Variants in AKAP13 observed in about 807,000 individuals in gnomAD.
The protein encoded by AKAP13 is A-kinase anchor protein 13.
AKAP13 carries 80 observed loss-of-function variants against 264.5 expected under a neutral mutation model. That is an observed-to-expected ratio of 0.30 (90% CI 0.25 to 0.36). The LOEUF (loss-of-function observed/expected upper bound fraction) is 0.36. AKAP13 is among the 10% of genes least tolerant of loss of function. The probability of loss-of-function intolerance (pLI) is 1.00; values close to 1 mark genes in which losing one functional copy is unlikely to be tolerated. For missense variants in AKAP13, 3,712 were observed against 3,435.2 expected (o/e 1.08, Z -2.01); for synonymous variants, 1,380 against 1,250.2 (o/e 1.10, Z -2.19).
intron 8 of AKAP13, among the ~76,000 whole-genome samples, chr15:85,617,539 C>T (rs1317649169): frequency 2.6e-5 from 4 of 152,190 alleles, no homozygotes; most frequent in African/African-American, 7.2e-5. Context: ...CGCGCCCAGC[C>T]GGTAGGAGGG....
intron 26 of AKAP13, among the ~76,000 whole-genome samples, chr15:85,725,833 C>T (rs2087584969): frequency 6.6e-6 from 1 of 152,302 alleles, no homozygotes; most frequent in Non-Finnish European, 1.5e-5. Context: ...GAGGAAAGAG[C>T]CCTATATTCA....
chr15:85,481,393 A>G (rs1426864457), intron 1 of AKAP13, among the ~76,000 whole-genome samples: 4 of 152,210 alleles, frequency 2.6e-5, no homozygotes, highest in African/African-American at 4.8e-5. Flanking sequence ...TCTCTAATCA[A>G]CAACACCAGA....
rs2089224519 is a variant in AKAP13 at position 85,743,695 on chromosome 15, C to T, written c.8262C>T (p.Asn2754=). The T allele has an allele frequency of 6.2e-7, 1 of 1,613,998 alleles. No individual in the cohort carries two copies. ...TACTGAGTTCAACCAGCCAGACAAA[C>T]AAAGGACCAGAAGGGCAGAGCCAGG... ...FHILSSTSQT[N]KGPEGQSQAP... The change falls in exon 36 of 37, where the codon AAC becomes AAT. Residue 2754 remains asparagine, a synonymous_variant. Transcript: ENST00000394518.
intron 2 of AKAP13, among the ~76,000 whole-genome samples, chr15:85,517,179 A>ATGACATCAG (rs934220964): frequency 5.3e-5 from 8 of 152,172 alleles, no homozygotes; most frequent in Non-Finnish European, 1.2e-4. Context: ...ACTATCTAAG[A>ATGACATCAG]TGACATCAGT....
chr15:85,662,566 T>G (rs2083405430), intron 12 of AKAP13: 1 of 1,176,720 alleles, frequency 8.5e-7, no homozygotes, highest in Admixed American at 1.7e-5. Context: ...GGCAGCCTGC[T>G]TTGTCTGTGA....
chr15:85,747,605 T>A lies in AKAP13; in HGVS notation c.*2928T>A, dbSNP rs1222756999. On this transcript the variant is annotated 3_prime_UTR_variant, in exon 37 of 37. Transcript: ENST00000394518. Reference sequence around the variant, plus strand: ...TCAATTCCAGTCATCTCAGTCGTTGTCGTTAGGTGACATGTGCACTTTAAA... The same window carrying A: ...TCAATTCCAGTCATCTCAGTCGTTGACGTTAGGTGACATGTGCACTTTAAA... 1 of 152,636 alleles carries A rather than the reference T, an allele frequency of 6.6e-6. No individual in the cohort carries two copies. The highest frequency in any genetic ancestry group is 6.5e-5 in the Admixed American group (1 of 15,280). 9.5% of individuals were successfully genotyped at this position (152,636 alleles called of 1,614,324 possible).
At chr15:85,409,492 T>A (rs189859278) in intron 1 of AKAP13, among the ~76,000 whole-genome samples, 4 of 151,522 alleles carry the variant, frequency 2.6e-5, no homozygotes, top group Admixed American at 2.6e-4. Flanking sequence ...ACCCTTTTTT[T>A]AAATTGGTTG....
chr15:85,468,346 A>T (rs912172575), intron 1 of AKAP13, among the ~76,000 whole-genome samples: 2 of 152,108 alleles, frequency 1.3e-5, no homozygotes, highest in African/African-American at 4.8e-5. Context: ...CTGTGTTATG[A>T]CTTTTCGTGG....
intron 8 of AKAP13, among the ~76,000 whole-genome samples, chr15:85,610,836 G>A (rs759562520): frequency 1.1e-4 from 16 of 152,234 alleles, no homozygotes; most frequent in East Asian, 1.9e-4. Context: ...AAAATTAGCC[G>A]GGCGTGGTGG....
At chr15:85,483,703 C>G (rs1172875065) in intron 1 of AKAP13, among the ~76,000 whole-genome samples, 1 of 148,082 alleles carries the variant, frequency 6.8e-6, no homozygotes, top group Non-Finnish European at 1.5e-5. Flanking sequence ...CTCAGCTACT[C>G]GAGAGGCTGA....
chr15:85,659,359 G>T (rs1038763741), intron 12 of AKAP13, among the ~76,000 whole-genome samples: 1 of 152,188 alleles, frequency 6.6e-6, no homozygotes, highest in Non-Finnish European at 1.5e-5. Context: ...CATTTGTAAA[G>T]AAGTATTTTT....
intron 1 of AKAP13, among the ~76,000 whole-genome samples, chr15:85,414,862 T>C (rs537060576): frequency 6.6e-6 from 1 of 152,324 alleles, no homozygotes; most frequent in East Asian, 1.9e-4. Flanking sequence ...TGACTGGATG[T>C]GACTAAAATG....
At chr15:85,489,665 A>G (rs1241654656) in intron 2 of AKAP13, among the ~76,000 whole-genome samples, 1 of 152,202 alleles carries the variant, frequency 6.6e-6, no homozygotes. Flanking sequence ...CTAAATAAGG[A>G]AAAACACTGT....
At chr15:85,453,378 GGCT>G (rs2074161993) in intron 1 of AKAP13, among the ~76,000 whole-genome samples, 1 of 152,136 alleles carries the variant, frequency 6.6e-6, no homozygotes, top group Admixed American at 6.5e-5. Context: ...TTTTCCCTAG[GGCT>G]GCTGTGGTAT....
Position 85,740,436 on chromosome 15 carries a change from T to C in AKAP13, c.7608+164T>C, listed in dbSNP as rs2088867692. On this transcript the variant is annotated intron_variant, in intron 34 of 36. Coordinates refer to ENST00000394518, the MANE Select transcript of AKAP13 (RefSeq NM_007200.5). ...CGTGGTGAGAAAGTTACAGAATGCA[T>C]CGACCTTCCAGGACTAGAATTAGTG... is the stretch of plus-strand genomic sequence containing the variant. The C allele has an allele frequency of 5.7e-6, 4 of 705,020 alleles. No individual in the cohort carries two copies. In the Admixed American group the frequency reaches 1.1e-4, roughly 19 times the overall value. The allele number at this position is 705,020 out of a possible 1,614,324, so 43.7% of individuals were successfully genotyped here.
At position 85,743,815 on chromosome 15, in the gene AKAP13, T is replaced by A. The variant is rs750788350; in HGVS notation, c.8382T>A (p.Ser2794=). The change falls in exon 36 of 37, where the codon TCT becomes TCA. Residue 2794 remains serine (S), a synonymous_variant. Coordinates refer to ENST00000394518, the MANE Select transcript of AKAP13 (RefSeq NM_007200.5). ...AAAAGAAGAACAAAACCAGCCGCTC[T>A]CAGCCCGGTGGTGAGTCACGCACAC... The part of the protein sequence containing the change: ...EKKKKNKTSR[S]QPGDGPASEV... 2.9e-5 allele frequency: 47 copies of A among 1,610,034 alleles called. No individual in the cohort carries two copies. The South Asian group carries it at 5.0e-4, about 17-fold the overall frequency.
At chr15:85,661,335 AT>A (rs966931084) in intron 12 of AKAP13, among the ~76,000 whole-genome samples, 3 of 152,074 alleles carry the variant, frequency 2.0e-5, no homozygotes, top group Non-Finnish European at 4.4e-5. Flanking sequence ...GATCAGATGG[AT>A]TTTTTTTATC....
In AKAP13 at chr15:85,730,716, C is replaced by T. The variant is rs1236022748; in HGVS notation, c.7282+9C>T. 6.2e-7 allele frequency: 1 copy of T among 1,605,914 alleles called. No individual in the cohort carries two copies. The highest frequency in any genetic ancestry group is 8.5e-7 in the Non-Finnish European group (1 of 1,173,742). ...AAGTGCAATAAATGAGGGTAATTAA[C>T]ATTCAGCATTGCCCCCTCTTCATCT... On this transcript the variant is annotated intron_variant, in intron 30 of 36. Transcript: ENST00000394518.
Position 85,582,006 on chromosome 15 carries a change from G to T in AKAP13, c.3938G>T (p.Ser1313Ile). 2 of 1,614,200 alleles carry T rather than the reference G, an allele frequency of 1.2e-6. No individual in the cohort carries two copies. Among genetic ancestry groups the T allele is most frequent in the Non-Finnish European group, 1.7e-6 (2 of 1,180,032 alleles). ...FPPGESLPMG[S>I]TPEEATGSLA... is the part of the protein sequence containing the mutation. ...CCTGGGGAGAGCCTACCAATGGGCA[G>T]TACTCCTGAGGAAGCCACGGGGAGC... The change falls in exon 7 of 37, where the codon AGT (serine) becomes ATT (isoleucine). Residue 1313 changes from serine to isoleucine, a missense_variant. Coordinates refer to ENST00000394518, the MANE Select transcript of AKAP13 (RefSeq NM_007200.5).
Sources: allele counts gnomAD v4.1 joint callset (sites outside exome capture counted in the v4.1 genomes callset), GRCh38; gene constraint gnomAD v4.1.1; transcripts MANE v1.5; gene names NCBI Gene and HGNC (gene_info 2026-07-23, HGNC 2026-07-21).